DSCAML1: variants seen among roughly 807,000 people sequenced by gnomAD.
The protein encoded by DSCAML1 is cell adhesion molecule DSCAML1.
A neutral mutation model predicts 200.5 loss-of-function variants in DSCAML1; 38 were observed. The ratio of observed to expected loss-of-function variants is 0.19; its 90% CI spans 0.15 to 0.25. DSCAML1 has a LOEUF of 0.25. Among genes scored for constraint, DSCAML1 ranks in the 10% least tolerant of loss-of-function variants. The pLI is 1.00. For missense variants in DSCAML1, 2,223 were observed against 2,858.8 expected, an observed-to-expected ratio of 0.78 and a Z score of 5.07; for synonymous variants, 1,215 against 1,165.0, an observed-to-expected ratio of 1.04 and a Z score of -0.87.
chr11:117,569,146 CT>C (rs1475025411), intron 3 of DSCAML1, among the ~76,000 whole-genome samples: 2 of 152,090 alleles, frequency 1.3e-5, no homozygotes, highest in African/African-American at 4.8e-5. Context: ...ATAAATGGTG[CT>C]GGGAAAACTG....
At chr11:117,604,839 T>C (rs945330505) in intron 3 of DSCAML1, among the ~76,000 whole-genome samples, 1 of 152,184 alleles carries the variant, frequency 6.6e-6, no homozygotes, top group Non-Finnish European at 1.5e-5. Context: ...CCGTGGCTCC[T>C]TGGCAACGGG....
chr11:117,461,079 G>A (rs2048472253), intron 18 of DSCAML1, among the ~76,000 whole-genome samples: 1 of 151,752 alleles, frequency 6.6e-6, no homozygotes, highest in South Asian at 2.1e-4. Flanking sequence ...ACTGAAACTA[G>A]AAAAGCCAAT....
intron 1 of DSCAML1, among the ~76,000 whole-genome samples, chr11:117,810,930 C>A (rs972272841): frequency 6.6e-6 from 1 of 152,170 alleles, no homozygotes; most frequent in African/African-American, 2.4e-5. Context: ...TCTTTCTAAT[C>A]TTCCTTTTCT....
chr11:117,699,314 C>T (rs769141434), intron 3 of DSCAML1, among the ~76,000 whole-genome samples: 7 of 152,068 alleles, frequency 4.6e-5, no homozygotes, highest in Non-Finnish European at 7.4e-5. Flanking sequence ...TACACAGGGA[C>T]GGGGCTGTAG....
At chr11:117,633,486 T>C (rs940555296) in intron 3 of DSCAML1, among the ~76,000 whole-genome samples, 3 of 152,204 alleles carry the variant, frequency 2.0e-5, no homozygotes, top group African/African-American at 7.2e-5. Context: ...TCTTATCTGC[T>C]TTACACTGAA....
At chr11:117,755,315 C>G (rs1306810334) in intron 3 of DSCAML1, among the ~76,000 whole-genome samples, 1 of 152,138 alleles carries the variant, frequency 6.6e-6, no homozygotes, top group Non-Finnish European at 1.5e-5. Context: ...GGAACTTCCC[C>G]CAAGGAAGGC....
intron 19 of DSCAML1, among the ~76,000 whole-genome samples, chr11:117,454,663 T>C (rs2048341058): frequency 6.6e-6 from 1 of 152,252 alleles, no homozygotes; most frequent in Non-Finnish European, 1.5e-5. Flanking sequence ...TATTTTTTAT[T>C]GTATGCCAGA....
In DSCAML1 at chr11:117,498,981, A is replaced by G. The variant is rs951931695; in HGVS notation, c.2359+4864T>C. 2.0e-5 allele frequency among the ~76,000 whole-genome samples: 3 copies of G among 152,100 alleles called. No homozygotes were observed. The highest frequency in any genetic ancestry group is 4.4e-5 in the Non-Finnish European group (3 of 68,012). ...CTGGGAGGTCCAACGAGACCTGTCT[A>G]ATAAGGTCACCTGCTGGATAAGAGG... On this transcript the variant is annotated intron_variant, in intron 11 of 32. Transcript: ENST00000651296. This position sits in a 1 kb window ranked among gnomAD's most constrained non-coding sequence, Gnocchi z 4.0.
intron 11 of DSCAML1, among the ~76,000 whole-genome samples, chr11:117,482,654 T>C (rs2048952919): frequency 8.3e-6 from 1 of 120,428 alleles, no homozygotes; most frequent in Non-Finnish European, 2.0e-5. Context: ...ATCACTGTGA[T>C]GTGATGGGAG....
At chr11:117,645,680 C>T (rs1200831844) in intron 3 of DSCAML1, among the ~76,000 whole-genome samples, 1 of 141,898 alleles carries the variant, frequency 7.0e-6, no homozygotes, top group Admixed American at 7.8e-5. Context: ...TATTCTCACT[C>T]ATAGGTGGGA....
intron 20 of DSCAML1, among the ~76,000 whole-genome samples, chr11:117,449,933 A>G (rs901686408): frequency 1.9e-4 from 29 of 152,124 alleles, no homozygotes; most frequent in African/African-American, 6.8e-4. Context: ...TCAGAGCATC[A>G]GTGGAAGGGC....
At chr11:117,723,728 C>A (rs7123597) in intron 3 of DSCAML1, among the ~76,000 whole-genome samples, 5,934 of 152,280 alleles carry the variant, frequency 0.039, 238 homozygotes, top group African/African-American at 0.1. Context: ...GCCTTTCTCC[C>A]CACTTAGAGC....
intron 3 of DSCAML1, among the ~76,000 whole-genome samples, chr11:117,758,697 C>T (rs758710443): frequency 2.6e-5 from 4 of 152,114 alleles, no homozygotes; most frequent in South Asian, 2.1e-4. Context: ...CCAAAGCGCC[C>T]GGCCGGCAGA....
rs554377890 is a variant in DSCAML1 at position 117,592,281 on chromosome 11, C to T, written c.512-59759G>A. ...GTGCACCTCCTCCTGGAGGCCGGCT[C>T]GGCAAGGACTGCCTAGGAGCTTGGA... On this transcript the variant is annotated intron_variant, in intron 3 of 32. Coordinates refer to ENST00000651296, the MANE Select transcript of DSCAML1 (RefSeq NM_020693.4). 4.6e-5 allele frequency among the ~76,000 whole-genome samples: 7 copies of T among 152,278 alleles called. No homozygotes were observed. In the South Asian group the frequency reaches 1.0e-3, roughly 23 times the overall value.
In DSCAML1 at chr11:117,551,537, G is replaced by A. The variant is rs552564001; in HGVS notation, c.512-19015C>T. Reference sequence around the variant, plus strand: ...CCCTGCTTAGAGTCTTCTGAGGGACGCGTGTTGGGTGCAGGGTAGAAAGGG... The same window carrying A: ...CCCTGCTTAGAGTCTTCTGAGGGACACGTGTTGGGTGCAGGGTAGAAAGGG... On this transcript the variant is annotated intron_variant, in intron 3 of 32. Coordinates refer to ENST00000651296, the MANE Select transcript of DSCAML1 (RefSeq NM_020693.4). Among the ~76,000 whole-genome samples the A allele has an allele frequency of 3.9e-5, 6 of 152,298 alleles. No homozygotes were observed. The South Asian group carries it at 1.0e-3, about 26-fold the overall frequency.
chr11:117,762,703 A>T (rs1044511859), intron 3 of DSCAML1, among the ~76,000 whole-genome samples: 1 of 152,006 alleles, frequency 6.6e-6, no homozygotes, highest in African/African-American at 2.4e-5. Context: ...TCTCTACTAA[A>T]ATTACAAAAA....
intron 3 of DSCAML1, among the ~76,000 whole-genome samples, chr11:117,594,207 CAGAG>C (rs2051318673): frequency 2.0e-5 from 3 of 152,148 alleles, no homozygotes; most frequent in South Asian, 2.1e-4. Context: ...GGCTCCATTT[CAGAG>C]AGAGTTTATC....
intron 3 of DSCAML1, among the ~76,000 whole-genome samples, chr11:117,634,561 C>T (rs2052240134): frequency 6.6e-6 from 1 of 152,170 alleles, no homozygotes; most frequent in Admixed American, 6.5e-5. Context: ...GCTCAGGGCC[C>T]TGGAGTAAGC....
At chr11:117,442,538 G>C (rs376823030) in intron 21 of DSCAML1, among the ~76,000 whole-genome samples, 62 of 152,090 alleles carry the variant, frequency 4.1e-4, no homozygotes, top group African/African-American at 1.4e-3. Flanking sequence ...ATGGGGGAAG[G>C]GGGCAGGAGT....
Sources: allele counts gnomAD v4.1 joint callset (sites outside exome capture counted in the v4.1 genomes callset), GRCh38; gene constraint gnomAD v4.1.1; non-coding constraint Gnocchi (gnomAD v3.1); transcripts MANE v1.5; gene names NCBI Gene and HGNC (gene_info 2026-07-23, HGNC 2026-07-21).